The following EPHB6 variants were observed in gnomAD, a reference collection of about 807,000 sequenced individuals.
The protein encoded by EPHB6 is EPH receptor B6, also known as ephrin type-B receptor 6.
In EPHB6, 51 loss-of-function variants were observed where a neutral mutation model predicts 107.0. The observed-to-expected ratio is 0.48, with a 90% CI of 0.38 to 0.60. The LOEUF (loss-of-function observed/expected upper bound fraction) is 0.60. Among genes scored for constraint, EPHB6 ranks in the 20% least tolerant of loss-of-function variants. EPHB6 has a pLI of 0.00. For synonymous variants in EPHB6, 553 were observed against 549.0 expected, an observed-to-expected ratio of 1.01 and a Z score of -0.10; for missense variants, 1,141 against 1,355.5, an observed-to-expected ratio of 0.84 and a Z score of 2.48.
chr7:142,866,658 C>T lies in EPHB6; in HGVS notation c.1587+53C>T. On this transcript the variant is annotated intron_variant, in intron 10 of 19. Transcript: ENST00000652003. This position sits in a 1 kb window ranked among gnomAD's most constrained non-coding sequence, Gnocchi z 5.2. The stretch of plus-strand genomic sequence containing the variant: ...GTAGGGCTGGTAGGAGCTCATAGGC[C>T]TCACAGTGGGGCCCAGAGGTGACCA... 6.2e-7 allele frequency: 1 copy of T among 1,612,904 alleles called. No individual in the cohort carries two copies. The highest frequency in any genetic ancestry group is 8.5e-7 in the Non-Finnish European group (1 of 1,179,938).
chr7:142,868,025 C>A lies in EPHB6; in HGVS notation c.1894C>A (p.Gln632Lys). 6.3e-7 allele frequency: 1 copy of A among 1,591,568 alleles called. No individual in the cohort carries two copies. Among genetic ancestry groups the A allele is most frequent in the Non-Finnish European group, 8.6e-7 (1 of 1,169,080 alleles). ...RKRRGTGYTE[Q>K]LQQYSSPGLG... ...GCGGCGTGGGACTGGCTACACAGAG[C>A]AGCTGCAGCAATACAGCAGCCCAGG... The change falls in exon 13 of 20, where the codon CAG becomes AAG. Residue 632 changes from glutamine (Q) to lysine (K), a missense_variant. Gln to Lys is a moderately conservative substitution (Grantham distance 53). Coordinates refer to ENST00000652003, the MANE Select transcript of EPHB6 (RefSeq NM_004445.6). This position sits in a 1 kb window ranked among gnomAD's most constrained non-coding sequence, Gnocchi z 4.2.
intron 18 of EPHB6, 48 bp from the exon 19 acceptor site, chr7:142,870,482 G>T (rs777607946): frequency 5.6e-6 from 9 of 1,613,864 alleles, no homozygotes; most frequent in Non-Finnish European, 6.8e-6. Flanking sequence ...GAGGAGAGGG[G>T]CTAAGATGAA....
chr7:142,868,514 G>A lies in EPHB6; in HGVS notation c.2061G>A (p.Gln687=), dbSNP rs777531344. The change falls in exon 15 of 20, where the codon CAG becomes CAA. Residue 687 remains glutamine (Q), a synonymous_variant. Coordinates refer to ENST00000652003, the MANE Select transcript of EPHB6 (RefSeq NM_004445.6). This position sits in a 1 kb window ranked among gnomAD's most constrained non-coding sequence, Gnocchi z 4.2. ...CAGGCTCTTTTGGAGAAGTGCGCCA[G>A]GGCCGCCTGCAGCCACGGGGACGGA... is the stretch of plus-strand genomic sequence containing the variant. ...IGTGSFGEVR[Q]GRLQPRGRRE... is the part of the protein sequence containing the mutation. 1 of 1,613,880 alleles carries A rather than the reference G, an allele frequency of 6.2e-7. No homozygotes were observed. The highest frequency in any genetic ancestry group is 8.5e-7 in the Non-Finnish European group (1 of 1,180,036).
At position 142,864,035 on chromosome 7, in the gene EPHB6, G is replaced by T. The variant is rs1174585749; in HGVS notation, c.235G>T (p.Gly79Trp). 6.2e-7 allele frequency: 1 copy of T among 1,614,156 alleles called. No homozygotes were observed. Among genetic ancestry groups the T allele is most frequent in the Non-Finnish European group, 8.5e-7 (1 of 1,180,020 alleles). ...GACCTTTGAGGCATGTCATGTGGCA[G>T]GGGCCCCTCCAGGCACCGGGCAGGA... ...TRTFEACHVA[G>W]APPGTGQDNW... The change falls in exon 7 of 20, where the codon GGG becomes TGG. Residue 79 changes from glycine to tryptophan, a missense_variant. This residue lies in a region of EPHB6 where 221 missense variants were observed against 300.5 expected (regional missense o/e 0.74). Coordinates refer to ENST00000652003, the MANE Select transcript of EPHB6 (RefSeq NM_004445.6).
At chr7:142,862,434 G>T (rs1441134595) in intron 3 of EPHB6, among the ~76,000 whole-genome samples, 2 of 152,252 alleles carry the variant, frequency 1.3e-5, no homozygotes, top group Non-Finnish European at 2.9e-5. Flanking sequence ...GCACCCCTTG[G>T]GGCACGAGGA....
Position 142,868,921 on chromosome 7 carries a change from G to T in EPHB6, c.2287-53G>T. ...TGTTGTCTGCTATGCAGTATGTTGA[G>T]GTCTCCCCCTGTCTCCGATCACTGA... On this transcript the variant is annotated intron_variant, in intron 15 of 19. Transcript: ENST00000652003. This position sits in a 1 kb window ranked among gnomAD's most constrained non-coding sequence, Gnocchi z 4.2. 1 of 1,499,188 alleles carries T rather than the reference G, an allele frequency of 6.7e-7. No individual in the cohort carries two copies. Among genetic ancestry groups the T allele is most frequent in the Non-Finnish European group, 8.9e-7 (1 of 1,120,086 alleles). The allele number at this position is 1,499,188 out of a possible 1,614,324, so 92.9% of individuals were successfully genotyped here.
chr7:142,858,385 C>A (rs538931822), intron 1 of EPHB6, among the ~76,000 whole-genome samples: 9 of 122,050 alleles, frequency 7.4e-5, no homozygotes, highest in Non-Finnish European at 1.4e-4. Context: ...TTTTTAAATT[C>A]TTACCAATTT....
chr7:142,870,148 AC>A (rs1586178512), intron 17 of EPHB6, 65 bp from the exon 18 acceptor site: 1 of 1,606,698 alleles, frequency 6.2e-7, no homozygotes, highest in Non-Finnish European at 8.5e-7. Flanking sequence ...CCACCCTCTT[AC>A]CCAACAAAGT....
At chr7:142,870,717 G>A (rs2116495700) in intron 19 of EPHB6, 32 bp downstream of exon 19, 1 of 1,614,198 alleles carries the variant, frequency 6.2e-7, no homozygotes, top group Non-Finnish European at 8.5e-7. Flanking sequence ...GGGGGCGAAT[G>A]CTCCAGGCCC....
intron 1 of EPHB6, among the ~76,000 whole-genome samples, chr7:142,858,420 A>ATTTT (rs1554519357): frequency 9.1e-6 from 1 of 110,050 alleles, no homozygotes; most frequent in African/African-American, 3.5e-5. Flanking sequence ...CTTTTAAGTC[A>ATTTT]TTCTTTTTTT....
chr7:142,863,579 G>A (rs369259507), intron 5 of EPHB6, 52 bp from the exon 6 acceptor site: 63 of 1,588,064 alleles, frequency 4.0e-5, no homozygotes, highest in Non-Finnish European at 5.0e-5. Context: ...GTAGGGGCTG[G>A]CAGTGCTGGC....
At position 142,868,413 on chromosome 7, in the gene EPHB6, C is replaced by T. The variant is rs991031939; in HGVS notation, c.2038+53C>T. 8.7e-6 allele frequency: 14 copies of T among 1,613,968 alleles called. No individual in the cohort carries two copies. The highest frequency in any genetic ancestry group is 2.7e-5 in the African/African-American group (2 of 75,034). On this transcript the variant is annotated intron_variant, in intron 14 of 19. Transcript: ENST00000652003. This position sits in a 1 kb window ranked among gnomAD's most constrained non-coding sequence, Gnocchi z 4.2. Reference sequence around the variant, plus strand: ...AGCGACGGGGCTCCCTTGTGGCCTCCGCTGGCCAGAGTCCCATCCAAACAC... The same window carrying T: ...AGCGACGGGGCTCCCTTGTGGCCTCTGCTGGCCAGAGTCCCATCCAAACAC...
Position 142,868,802 on chromosome 7 carries a change from G to T in EPHB6, c.2286+63G>T, listed in dbSNP as rs1319569583. 3.7e-6 allele frequency: 6 copies of T among 1,612,700 alleles called. No individual in the cohort carries two copies. Among genetic ancestry groups the T allele is most frequent in the Non-Finnish European group, 5.1e-6 (6 of 1,179,862 alleles). On this transcript the variant is annotated intron_variant, in intron 15 of 19. Transcript: ENST00000652003. The surrounding 1 kb of genome is among the most constrained non-coding windows in gnomAD (Gnocchi z 4.2). Reference sequence around the variant, plus strand: ...TCCAGGAAAGCTTCCAGGAGACGAGGTCCTGTATCTTTGCTTCTTACCACC... The same window carrying T: ...TCCAGGAAAGCTTCCAGGAGACGAGTTCCTGTATCTTTGCTTCTTACCACC...
chr7:142,868,245 C>A lies in EPHB6; in HGVS notation c.1923C>A (p.Leu641=). The A allele has an allele frequency of 1.9e-6, 3 of 1,614,146 alleles. No homozygotes were observed. The highest frequency in any genetic ancestry group is 2.5e-6 in the Non-Finnish European group (3 of 1,180,018). ...EQLQQYSSPG[L]GVKYYIDPST... is the part of the protein sequence containing the mutation. ...ACATACTCCACACCCCTCCAGGACT[C>A]GGGGTGAAGTATTACATCGACCCCT... Residue 641 remains leucine, a synonymous_variant, in exon 14 of 20, where the codon CTC becomes CTA. Coordinates refer to ENST00000652003, the MANE Select transcript of EPHB6 (RefSeq NM_004445.6). This position sits in a 1 kb window ranked among gnomAD's most constrained non-coding sequence, Gnocchi z 4.2.
intron 6 of EPHB6, 132 bp from the exon 7 acceptor site, chr7:142,863,834 G>T (rs1311604381): frequency 6.7e-7 from 1 of 1,495,512 alleles, no homozygotes; most frequent in African/African-American, 1.4e-5. Flanking sequence ...AAGATTTCAA[G>T]GTATCCTCTA....
intron 1 of EPHB6, among the ~76,000 whole-genome samples, chr7:142,856,016 C>A (rs1214795209): frequency 6.6e-6 from 1 of 152,188 alleles, no homozygotes; most frequent in African/African-American, 2.4e-5. Flanking sequence ...CACACCCCCA[C>A]CCACCGATCT....
intron 1 of EPHB6, among the ~76,000 whole-genome samples, chr7:142,858,373 A>C (rs1213978354): frequency 2.1e-5 from 3 of 145,748 alleles, no homozygotes; most frequent in Admixed American, 2.0e-4. Context: ...AGCACGATTA[A>C]TTTTTTAAAT....
chr7:142,862,200 T>A (rs1586153467), intron 3 of EPHB6, 67 bp downstream of exon 3: 1 of 152,252 alleles, frequency 6.6e-6, no homozygotes, highest in South Asian at 2.1e-4. Flanking sequence ...GGCTCCACCC[T>A]CATGACCTAA....
In EPHB6 at chr7:142,869,163, T is replaced by C; in HGVS notation, c.2460+16T>C. 6.2e-7 allele frequency: 1 copy of C among 1,609,444 alleles called. No homozygotes were observed. Among genetic ancestry groups the C allele is most frequent in the Admixed American group, 1.7e-5 (1 of 59,920 alleles). On this transcript the variant is annotated intron_variant, in intron 16 of 19. Coordinates refer to ENST00000652003, the MANE Select transcript of EPHB6 (RefSeq NM_004445.6). The surrounding 1 kb of genome is among the most constrained non-coding windows in gnomAD (Gnocchi z 4.5). ...CAGTCCTCAGGTGAGAGCACAGCCT[T>C]GGGGACACAGCCTGGGGCCTTGTGG...
Sources: gnomAD v4.1 joint callset for allele counts (sites outside exome capture counted in the v4.1 genomes callset) on GRCh38, gnomAD v4.1.1 for gene constraint, gnomAD v4.1.1 regional missense constraint, Gnocchi (gnomAD v3.1) non-coding constraint, MANE v1.5 for transcripts, NCBI Gene and HGNC (gene_info 2026-07-23, HGNC 2026-07-21) for gene names.